KCTD16: variants seen among roughly 807,000 people sequenced by gnomAD.
The protein encoded by KCTD16 is potassium channel tetramerization domain containing 16.
KCTD16 carries 13 observed loss-of-function variants against 33.2 expected under a neutral mutation model. That is an observed-to-expected ratio of 0.39 (90% CI 0.25 to 0.62). KCTD16 has a LOEUF of 0.62. Ranked by LOEUF, KCTD16 falls within the 20% of genes least tolerant of loss-of-function variation. The probability of loss-of-function intolerance (pLI) is 0.50; values close to 1 mark genes in which losing one functional copy is unlikely to be tolerated. For missense variants in KCTD16, 441 were observed against 525.1 expected, an observed-to-expected ratio of 0.84 and a Z score of 1.57; for synonymous variants, 197 against 195.3, an observed-to-expected ratio of 1.01 and a Z score of -0.07.
chr5:144,232,981 G>A (rs1278818414), intron 3 of KCTD16, among the ~76,000 whole-genome samples: 1 of 152,102 alleles, frequency 6.6e-6, no homozygotes, highest in African/African-American at 2.4e-5. Flanking sequence ...GCATTTTAAC[G>A]AGTCTCATGT....
intron 3 of KCTD16, among the ~76,000 whole-genome samples, chr5:144,303,087 G>A (rs746947611): frequency 5.3e-5 from 8 of 152,140 alleles, no homozygotes; most frequent in South Asian, 2.1e-4. Flanking sequence ...TTATTAGAGC[G>A]TTAGTGCCTC....
intron 3 of KCTD16, among the ~76,000 whole-genome samples, chr5:144,380,717 A>G (rs1355707564): frequency 2.6e-5 from 4 of 152,194 alleles, no homozygotes; most frequent in Non-Finnish European, 5.9e-5. Flanking sequence ...GCAATGGGGG[A>G]AAGACTCCCT....
intron 3 of KCTD16, among the ~76,000 whole-genome samples, chr5:144,352,363 C>G (rs547463013): frequency 1.1e-4 from 17 of 152,188 alleles, no homozygotes; most frequent in African/African-American, 3.9e-4. Context: ...ATATTGAATA[C>G]GAAGTGGGGA....
At chr5:144,340,171 T>C (rs1752592975) in intron 3 of KCTD16, among the ~76,000 whole-genome samples, 1 of 151,720 alleles carries the variant, frequency 6.6e-6, no homozygotes, top group Admixed American at 6.6e-5. Context: ...TCCCAGCACT[T>C]TGGGAGGCCG....
chr5:144,431,817 G>T (rs1269127828), intron 3 of KCTD16, among the ~76,000 whole-genome samples: 1 of 152,060 alleles, frequency 6.6e-6, no homozygotes, highest in Non-Finnish European at 1.5e-5. Context: ...TGAATTATTT[G>T]TACGTTAGTG....
chr5:144,377,001 A>T (rs75976711), intron 3 of KCTD16, among the ~76,000 whole-genome samples: 11 of 152,280 alleles, frequency 7.2e-5, no homozygotes, highest in African/African-American at 1.9e-4. Context: ...TTGGGTGTAC[A>T]TATCTACGCA....
chr5:144,271,279 C>T (rs533977238), intron 3 of KCTD16, among the ~76,000 whole-genome samples: 1 of 151,742 alleles, frequency 6.6e-6, no homozygotes, highest in Non-Finnish European at 1.5e-5. Flanking sequence ...TACTAGCAAA[C>T]AAAATTTGGG....
intron 3 of KCTD16, among the ~76,000 whole-genome samples, chr5:144,269,998 A>G (rs891459422): frequency 5.3e-5 from 8 of 152,068 alleles, no homozygotes; most frequent in African/African-American, 1.7e-4. Flanking sequence ...ACGAAAAGAA[A>G]TGAGAAATAT....
chr5:144,441,209 G>A (rs1322312658), intron 3 of KCTD16, among the ~76,000 whole-genome samples: 1 of 151,778 alleles, frequency 6.6e-6, no homozygotes, highest in Non-Finnish European at 1.5e-5. Flanking sequence ...CAATTCCATG[G>A]GTTTTCTTTT....
chr5:144,244,548 G>A (rs1200202476), intron 3 of KCTD16, among the ~76,000 whole-genome samples: 1 of 152,076 alleles, frequency 6.6e-6, no homozygotes, highest in Admixed American at 6.5e-5. Context: ...TTTCATTTTT[G>A]CACTTCCATA....
At chr5:144,362,056 C>G (rs566255173) in intron 3 of KCTD16, among the ~76,000 whole-genome samples, 7 of 152,136 alleles carry the variant, frequency 4.6e-5, no homozygotes, top group African/African-American at 1.4e-4. Flanking sequence ...CTCTAAAGTG[C>G]CTTCCAATCT....
chr5:144,238,192 G>T (rs1754306051), intron 3 of KCTD16, among the ~76,000 whole-genome samples: 1 of 152,150 alleles, frequency 6.6e-6, no homozygotes, highest in East Asian at 1.9e-4. Context: ...AGTGAAGGAG[G>T]TAAGAGCAAA....
intron 3 of KCTD16, among the ~76,000 whole-genome samples, chr5:144,339,578 G>C (rs1451512998): frequency 6.6e-6 from 1 of 152,152 alleles, no homozygotes; most frequent in East Asian, 1.9e-4. Context: ...CATAATGCCT[G>C]ACATGTTACT....
intron 3 of KCTD16, among the ~76,000 whole-genome samples, chr5:144,396,634 A>C (rs906454004): frequency 1.3e-5 from 2 of 152,156 alleles, no homozygotes; most frequent in Admixed American, 6.5e-5. Flanking sequence ...TTTACACGTG[A>C]CATATTCACA....
intron 3 of KCTD16, among the ~76,000 whole-genome samples, chr5:144,342,325 C>G (rs1009880380): frequency 1.3e-5 from 2 of 152,132 alleles, no homozygotes; most frequent in Non-Finnish European, 2.9e-5. Flanking sequence ...GAATTTTATT[C>G]TCTTTGAAGC....
intron 3 of KCTD16, among the ~76,000 whole-genome samples, chr5:144,356,723 G>C (rs1409036589): frequency 6.6e-6 from 1 of 152,004 alleles, no homozygotes; most frequent in East Asian, 1.9e-4. Flanking sequence ...TACCTGTGGG[G>C]AGAAAGGCTG....
intron 3 of KCTD16, among the ~76,000 whole-genome samples, chr5:144,279,263 A>G (rs1324416035): frequency 6.6e-6 from 1 of 152,174 alleles, no homozygotes; most frequent in African/African-American, 2.4e-5. Context: ...AGTTTTATTT[A>G]TTCTTTCCTA....
At chr5:144,393,899 T>A (rs1262354868) in intron 3 of KCTD16, among the ~76,000 whole-genome samples, 1 of 152,092 alleles carries the variant, frequency 6.6e-6, no homozygotes, top group African/African-American at 2.4e-5. Context: ...TCTAACAGGC[T>A]GAATTTTATT....
chr5:144,440,016 T>C (rs956099148), intron 3 of KCTD16, among the ~76,000 whole-genome samples: 1 of 150,342 alleles, frequency 6.7e-6, no homozygotes, highest in Non-Finnish European at 1.5e-5. Context: ...CAGAGCAAAA[T>C]GCATTACTTA....
Sources: gnomAD v4.1 joint callset for allele counts (sites outside exome capture counted in the v4.1 genomes callset) on GRCh38, gnomAD v4.1.1 for gene constraint, MANE v1.5 for transcripts, NCBI Gene and HGNC (gene_info 2026-07-23, HGNC 2026-07-21) for gene names.